Variants in SV2B observed in about 807,000 individuals in gnomAD.
SV2B encodes the protein solute carrier family 22 member B2.
A neutral mutation model predicts 73.9 loss-of-function variants in SV2B; 41 were observed. That is an observed-to-expected ratio of 0.56 (90% confidence interval 0.43 to 0.72). SV2B has a LOEUF of 0.72. Among genes scored for constraint, SV2B ranks in the 30% least tolerant of loss-of-function variants. SV2B has a pLI of 0.00. For missense variants in SV2B, 764 were observed against 857.8 expected, an observed-to-expected ratio of 0.89 and a Z score of 1.37; for synonymous variants, 314 against 314.2, an observed-to-expected ratio of 1.00 and a Z score of 0.01.
At position 91,298,833 on chromosome 15, in the gene SV2B, T is replaced by A. The variant is rs2049337604; in HGVS notation, c.*6281T>A. ...ATTTTGCTAGGTAGGGAGGTTTATT[T>A]AATCACAGCTACTGTCACTCAGGAG... On this transcript the variant is annotated 3_prime_UTR_variant, in exon 13 of 13. Coordinates refer to ENST00000394232, the MANE Select transcript of SV2B (RefSeq NM_001323032.3). This position sits in a 1 kb window ranked among gnomAD's most constrained non-coding sequence, Gnocchi z 5.4. 1 of 152,186 alleles carries A rather than the reference T, an allele frequency of 6.6e-6. No homozygotes were observed. Among genetic ancestry groups the A allele is most frequent in the South Asian group, 2.1e-4 (1 of 4,830 alleles). 9.4% of individuals were successfully genotyped at this position (152,186 alleles called of 1,614,324 possible). A position where few individuals can be genotyped will look rare whatever the true frequency, so the allele number is the denominator to read the frequency against.
At position 91,231,918 on chromosome 15, in the gene SV2B, G is replaced by T. The variant is rs968802502; in HGVS notation, c.451+5204G>T. Among the ~76,000 whole-genome samples, 2 of 152,330 alleles carry T rather than the reference G, an allele frequency of 1.3e-5. No homozygotes were observed. The highest frequency in any genetic ancestry group is 4.1e-4 in the South Asian group (2 of 4,830). On this transcript the variant is annotated intron_variant, in intron 2 of 12. Transcript: ENST00000394232. This position sits in a 1 kb window ranked among gnomAD's most constrained non-coding sequence, Gnocchi z 4.5. Reference sequence around the variant, plus strand: ...ATACGGAGGACACAGAGCAATGTCAGATGGGGCAGATTCATTAGAATAAAT... The same window carrying T: ...ATACGGAGGACACAGAGCAATGTCATATGGGGCAGATTCATTAGAATAAAT...
rs1376095910 is a variant in SV2B, at chr15:91,130,745, G to A, written c.-392+30382G>A. On this transcript the variant is annotated intron_variant, in intron 1 of 12. Coordinates refer to ENST00000394232, the MANE Select transcript of SV2B (RefSeq NM_001323032.3). The surrounding 1 kb of genome is among the most constrained non-coding windows in gnomAD (Gnocchi z 5.6). ...GGGGGCAAAGAGGGGAGTGTGTGGCGGTGCACGGTTCAGTGAGTCCTTCAA... is the reference window on the plus strand; with the variant it reads ...GGGGGCAAAGAGGGGAGTGTGTGGCAGTGCACGGTTCAGTGAGTCCTTCAA... Among the ~76,000 whole-genome samples the A allele has an allele frequency of 2.0e-5, 3 of 152,242 alleles. No homozygotes were observed. Among genetic ancestry groups the A allele is most frequent in the Admixed American group, 1.3e-4 (2 of 15,284 alleles).
intron 1 of SV2B, among the ~76,000 whole-genome samples, chr15:91,178,538 G>A (rs911210478): frequency 1.3e-5 from 2 of 152,052 alleles, no homozygotes; most frequent in African/African-American, 4.8e-5. Context: ...CTTTTTGGTT[G>A]GTAAGCTATT....
intron 1 of SV2B, among the ~76,000 whole-genome samples, chr15:91,199,990 G>T (rs1246045870): frequency 6.6e-6 from 1 of 152,156 alleles, no homozygotes; most frequent in Non-Finnish European, 1.5e-5. Context: ...TCAGGGCCTG[G>T]CTTTCTTCTG....
At chr15:91,216,410 T>C (rs2046026403) in intron 1 of SV2B, among the ~76,000 whole-genome samples, 1 of 152,192 alleles carries the variant, frequency 6.6e-6, no homozygotes, top group Non-Finnish European at 1.5e-5. Context: ...TAAATGGCTC[T>C]GTGTGTGTCC....
At chr15:91,266,208 A>C (rs950806276) in intron 6 of SV2B, among the ~76,000 whole-genome samples, 2 of 152,206 alleles carry the variant, frequency 1.3e-5, no homozygotes, top group Non-Finnish European at 2.9e-5. Context: ...TTTAGGGTTT[A>C]AAAAACAATA....
chr15:91,213,003 AT>A (rs2045918552), intron 1 of SV2B, among the ~76,000 whole-genome samples: 1 of 150,308 alleles, frequency 6.7e-6, no homozygotes, highest in South Asian at 2.1e-4. Flanking sequence ...AAATACGAAA[AT>A]TAGCTGGGCA....
chr15:91,215,661 A>G (rs1169253770), intron 1 of SV2B, among the ~76,000 whole-genome samples: 2 of 152,186 alleles, frequency 1.3e-5, no homozygotes, highest in Non-Finnish European at 2.9e-5. Flanking sequence ...ACCTGGTATT[A>G]TAGTGTCATC....
intron 1 of SV2B, among the ~76,000 whole-genome samples, chr15:91,170,534 G>A (rs760071160): frequency 5.3e-5 from 8 of 152,106 alleles, no homozygotes; most frequent in African/African-American, 7.2e-5. Flanking sequence ...GTGATCTGCC[G>A]CCTCAGCCTC....
rs1225991292 is a variant in SV2B, at chr15:91,253,316, C to T, written c.784+796C>T. Among the ~76,000 whole-genome samples the T allele has an allele frequency of 6.6e-6, 1 of 152,070 alleles. No individual in the cohort carries two copies. Among genetic ancestry groups the T allele is most frequent in the African/African-American group, 2.4e-5 (1 of 41,386 alleles). ...CAGCAGTGGTTTAGAATCCTCAGAC[C>T]CCGAGGGGGTAGCAGACAGCTGCCC... On this transcript the variant is annotated intron_variant, in intron 4 of 12. Transcript: ENST00000394232. The surrounding 1 kb of genome is among the most constrained non-coding windows in gnomAD (Gnocchi z 5.0).
rs2046787547 is a variant in SV2B, at chr15:91,236,505, C to T, written c.451+9791C>T. ...TTACTGAGAATGGAGGTGGAAGTTGCAGAGTTGGGAGTGGGCTGGAAATAT... is the reference window on the plus strand; with the variant it reads ...TTACTGAGAATGGAGGTGGAAGTTGTAGAGTTGGGAGTGGGCTGGAAATAT... On this transcript the variant is annotated intron_variant, in intron 2 of 12. Transcript: ENST00000394232. This position sits in a 1 kb window ranked among gnomAD's most constrained non-coding sequence, Gnocchi z 4.1. 6.6e-6 allele frequency among the ~76,000 whole-genome samples: 1 copy of T among 152,062 alleles called. No homozygotes were observed. Among genetic ancestry groups the T allele is most frequent in the Non-Finnish European group, 1.5e-5 (1 of 68,020 alleles).
intron 1 of SV2B, among the ~76,000 whole-genome samples, chr15:91,183,110 A>G (rs1255673198): frequency 6.6e-6 from 1 of 152,214 alleles, no homozygotes; most frequent in Non-Finnish European, 1.5e-5. Context: ...CATCATTTGG[A>G]GTGATTAACA....
chr15:91,151,272 T>C (rs2043306364), intron 1 of SV2B, among the ~76,000 whole-genome samples: 1 of 152,154 alleles, frequency 6.6e-6, no homozygotes, highest in Non-Finnish European at 1.5e-5. Context: ...CACAGAAAAA[T>C]TGAGTCAAAT....
intron 1 of SV2B, among the ~76,000 whole-genome samples, chr15:91,167,779 T>G (rs1427273902): frequency 6.6e-6 from 1 of 152,244 alleles, no homozygotes; most frequent in Non-Finnish European, 1.5e-5. Flanking sequence ...TTCTTTATCC[T>G]ACCACAAATT....
In SV2B at chr15:91,253,188, G is replaced by A. The variant is rs539837677; in HGVS notation, c.784+668G>A. ...TTCGTCAAGAGCAAAGTAGGGAGAA[G>A]GCAGCAATTTTGACTTTGATTCTGC... On this transcript the variant is annotated intron_variant, in intron 4 of 12. Coordinates refer to ENST00000394232, the MANE Select transcript of SV2B (RefSeq NM_001323032.3). The surrounding 1 kb of genome is among the most constrained non-coding windows in gnomAD (Gnocchi z 5.0). Among the ~76,000 whole-genome samples the A allele has an allele frequency of 4.7e-4, 71 of 152,318 alleles. No homozygotes were observed. The highest frequency in any genetic ancestry group is 1.3e-3 in the African/African-American group (56 of 41,566).
At chr15:91,127,178 G>C (rs1384367139) in intron 1 of SV2B, among the ~76,000 whole-genome samples, 2 of 152,210 alleles carry the variant, frequency 1.3e-5, no homozygotes, top group South Asian at 4.1e-4. Context: ...CAAGCTTCCA[G>C]CTCTGAGCTG....
At chr15:91,163,552 T>A (rs2043802389) in intron 1 of SV2B, among the ~76,000 whole-genome samples, 1 of 152,234 alleles carries the variant, frequency 6.6e-6, no homozygotes, top group Non-Finnish European at 1.5e-5. Context: ...GTTGGCTGTG[T>A]AAATGTCTTC....
At position 91,141,347 on chromosome 15, in the gene SV2B, G is replaced by A. The variant is rs565236076; in HGVS notation, c.-392+40984G>A. Among the ~76,000 whole-genome samples the A allele has an allele frequency of 6.6e-6, 1 of 152,298 alleles. No homozygotes were observed. Among genetic ancestry groups the A allele is most frequent in the African/African-American group, 2.4e-5 (1 of 41,562 alleles). On this transcript the variant is annotated intron_variant, in intron 1 of 12. Coordinates refer to ENST00000394232, the MANE Select transcript of SV2B (RefSeq NM_001323032.3). The surrounding 1 kb of genome is among the most constrained non-coding windows in gnomAD (Gnocchi z 4.6). The stretch of plus-strand genomic sequence containing the variant: ...ATCATCTAGGGTGTCTTGCAGAACA[G>A]GGCCTTGCTCTTCTTCAGGAAGACT...
intron 1 of SV2B, among the ~76,000 whole-genome samples, chr15:91,198,804 G>C (rs934680170): frequency 1.3e-5 from 2 of 152,110 alleles, no homozygotes; most frequent in Admixed American, 6.5e-5. Context: ...ACTTGGCCTC[G>C]ACCCAGAGTC....
Sources: gnomAD v4.1 joint callset for allele counts (sites outside exome capture counted in the v4.1 genomes callset) on GRCh38, gnomAD v4.1.1 for gene constraint, Gnocchi (gnomAD v3.1) non-coding constraint, MANE v1.5 for transcripts, NCBI Gene and HGNC (gene_info 2026-07-23, HGNC 2026-07-21) for gene names.